MAP3K5: variants seen among roughly 807,000 people sequenced by gnomAD.
MAP3K5 encodes mitogen-activated protein kinase kinase kinase 5, also known as ASK-1.
A neutral mutation model predicts 158.7 loss-of-function variants in MAP3K5; 56 were observed. The observed-to-expected ratio is 0.35, with a 90% CI of 0.28 to 0.44. MAP3K5 has a LOEUF of 0.44. MAP3K5 is among the 20% of genes least tolerant of loss of function. The pLI is 1.00. For synonymous variants in MAP3K5, 579 were observed against 601.7 expected (o/e 0.96, Z 0.55); for missense variants, 1,294 against 1,674.8 (o/e 0.77, Z 3.97).
At chr6:136,593,609 G>A in intron 21 of MAP3K5, 2 of 345,626 alleles carry the variant, frequency 5.8e-6, no homozygotes, top group Non-Finnish European at 1.1e-5. Context: ...AACACAAAAA[G>A]CTCCCAAATG....
At position 136,708,759 on chromosome 6, in the gene MAP3K5, G is replaced by A. The variant is rs145449598; in HGVS notation, c.589-3626C>T. Among the ~76,000 whole-genome samples the A allele has an allele frequency of 3.4e-3, 520 of 152,212 alleles. 3 individuals are homozygous for A. The highest frequency in any genetic ancestry group is 0.012 in the African/African-American group (484 of 41,536). ...TTGCGCACACACAGAAATGGCTCAC[G>A]AACAAGGAAGCTGAAAAATGTTGGA... On this transcript the variant is annotated intron_variant, in intron 2 of 29. Transcript: ENST00000359015.
At chr6:136,735,961 TGTAA>T (rs1782442745) in intron 1 of MAP3K5, among the ~76,000 whole-genome samples, 1 of 152,150 alleles carries the variant, frequency 6.6e-6, no homozygotes, top group Non-Finnish European at 1.5e-5. Context: ...GAAATATAAT[TGTAA>T]GTAAGAAACA....
chr6:136,697,942 G>C (rs1401341303), intron 4 of MAP3K5, among the ~76,000 whole-genome samples: 1 of 151,978 alleles, frequency 6.6e-6, no homozygotes, highest in South Asian at 2.1e-4. Flanking sequence ...ACAGGGTTTC[G>C]GCATGTTGGC....
chr6:136,695,684 G>A (rs1289962103), intron 6 of MAP3K5, among the ~76,000 whole-genome samples: 1 of 152,032 alleles, frequency 6.6e-6, no homozygotes. Context: ...TAAAAAATAT[G>A]AATAGCAAAT....
At chr6:136,734,178 G>C (rs1033506521) in intron 1 of MAP3K5, among the ~76,000 whole-genome samples, 5 of 152,066 alleles carry the variant, frequency 3.3e-5, no homozygotes, top group Non-Finnish European at 5.9e-5. Flanking sequence ...CAGCACTCTG[G>C]GAGGCTGAGG....
chr6:136,608,771 C>A (rs1402947359), intron 18 of MAP3K5, among the ~76,000 whole-genome samples: 1 of 152,192 alleles, frequency 6.6e-6, no homozygotes, highest in Non-Finnish European at 1.5e-5. Context: ...AATAAAACAA[C>A]ATATGTAAAG....
intron 25 of MAP3K5, among the ~76,000 whole-genome samples, chr6:136,574,879 T>C (rs1364835178): frequency 1.3e-5 from 2 of 151,808 alleles, no homozygotes; most frequent in Non-Finnish European, 2.9e-5. Context: ...TTAGTAGAGA[T>C]GGGGTTTCAC....
chr6:136,566,151 C>T (rs1490412746), intron 26 of MAP3K5, among the ~76,000 whole-genome samples: 1 of 151,948 alleles, frequency 6.6e-6, no homozygotes, highest in Admixed American at 6.6e-5. Flanking sequence ...GCCAGGGTGG[C>T]GAGCACAACG....
chr6:136,611,654 C>T (rs1295085118), intron 17 of MAP3K5, among the ~76,000 whole-genome samples: 1 of 152,204 alleles, frequency 6.6e-6, no homozygotes, highest in African/African-American at 2.4e-5. Context: ...ATCTAACCAC[C>T]ACCATCTTGC....
intron 1 of MAP3K5, among the ~76,000 whole-genome samples, chr6:136,744,151 T>C (rs1415949667): frequency 2.0e-5 from 3 of 152,112 alleles, no homozygotes; most frequent in African/African-American, 4.8e-5. Context: ...AACCCTAATG[T>C]AAGCTATGGG....
Position 136,558,760 on chromosome 6 carries a change from G to A in MAP3K5, c.4064+40C>T. 3 of 1,264,408 alleles carry A rather than the reference G, an allele frequency of 2.4e-6. No homozygotes were observed. In the South Asian group the frequency reaches 3.7e-5, roughly 15 times the overall value. The allele number at this position is 1,264,408 out of a possible 1,614,324, so 78.3% of individuals were successfully genotyped here. ...TACTCAGACTTTTTGATATTTGCCT[G>A]GTGCTCTTTCCATAGTGACAACAGA... is the stretch of plus-strand genomic sequence containing the variant. On this transcript the variant is annotated intron_variant, in intron 29 of 29. Coordinates refer to ENST00000359015, the MANE Select transcript of MAP3K5 (RefSeq NM_005923.4).
chr6:136,678,847 TC>T (rs1204992902), intron 7 of MAP3K5, among the ~76,000 whole-genome samples: 3 of 152,156 alleles, frequency 2.0e-5, no homozygotes, highest in Admixed American at 2.0e-4. Context: ...TGCCTCAGCC[TC>T]CCGAGTAGCT....
chr6:136,759,483 A>ATATATATATATATATATATATATATATAT (rs1562681271), intron 1 of MAP3K5, among the ~76,000 whole-genome samples: 1 of 56,174 alleles, frequency 1.8e-5, no homozygotes, highest in African/African-American at 6.3e-5. Context: ...TATATATATA[A>ATATATATATATATATATATATATATATAT]AGTTTGAGAC....
chr6:136,627,631 G>A (rs2129099029), intron 14 of MAP3K5, among the ~76,000 whole-genome samples: 1 of 152,290 alleles, frequency 6.6e-6, no homozygotes, highest in African/African-American at 2.4e-5. Flanking sequence ...CCTTATGAAA[G>A]AGGCTTGAAG....
At position 136,601,793 on chromosome 6, in the gene MAP3K5, A is replaced by G. The variant is rs1362089786; in HGVS notation, c.2857+9T>C. ...CTCAGACTATATCCTCTTCAATGCA[A>G]CCACATACCTGAAAGCTTAGGTTGT... On this transcript the variant is annotated intron_variant, in intron 20 of 29. Coordinates refer to ENST00000359015, the MANE Select transcript of MAP3K5 (RefSeq NM_005923.4). 6.2e-7 allele frequency: 1 copy of G among 1,613,500 alleles called. No homozygotes were observed. The highest frequency in any genetic ancestry group is 8.5e-7 in the Non-Finnish European group (1 of 1,179,786).
intron 2 of MAP3K5, among the ~76,000 whole-genome samples, chr6:136,713,826 C>T (rs959485021): frequency 1.3e-5 from 2 of 152,140 alleles, no homozygotes; most frequent in Non-Finnish European, 2.9e-5. Flanking sequence ...AAGCTAGAGA[C>T]TTTCAGAGAT....
At chr6:136,727,776 C>G (rs2876345) in intron 1 of MAP3K5, among the ~76,000 whole-genome samples, 55,401 of 151,156 alleles carry the variant, frequency 0.37, 11,977 homozygotes, top group Middle Eastern at 0.5. Flanking sequence ...CTGGCTAACA[C>G]GGTGAAACCC....
At chr6:136,630,379 C>G (rs1777287249) in intron 14 of MAP3K5, 1 of 152,174 alleles carries the variant, frequency 6.6e-6, no homozygotes, top group Non-Finnish European at 1.5e-5. Flanking sequence ...TGTTCTCTGC[C>G]ATCTCTCCAG....
chr6:136,659,126 T>TA, intron 9 of MAP3K5, 93 bp downstream of exon 9: 1 of 1,130,724 alleles, frequency 8.8e-7, no homozygotes, highest in Non-Finnish European at 1.3e-6. Flanking sequence ...TATAAGCAAA[T>TA]AAAATCATCT....
Sources: allele counts gnomAD v4.1 joint callset (sites outside exome capture counted in the v4.1 genomes callset), GRCh38; gene constraint gnomAD v4.1.1; transcripts MANE v1.5; gene names NCBI Gene and HGNC (gene_info 2026-07-23, HGNC 2026-07-21).